Variants in R3HDM1 observed in about 807,000 individuals in gnomAD.
R3HDM1 encodes the protein R3H domain-containing protein 1.
Under a neutral mutation model 141.1 loss-of-function variants are expected in R3HDM1, and 46 were observed. The observed-to-expected ratio is 0.33, with a 90% confidence interval of 0.26 to 0.42. R3HDM1 has a LOEUF of 0.42. Ranked by LOEUF, R3HDM1 falls within the 10% of genes least tolerant of loss-of-function variation. The pLI is 1.00. For missense variants in R3HDM1, 1,184 were observed against 1,368.3 expected, an observed-to-expected ratio of 0.87 and a Z score of 2.12; for synonymous variants, 435 against 472.9, an observed-to-expected ratio of 0.92 and a Z score of 1.04.
intron 19 of R3HDM1, among the ~76,000 whole-genome samples, chr2:135,662,006 G>A (rs1363856495): frequency 6.6e-6 from 1 of 152,162 alleles, no homozygotes; most frequent in Admixed American, 6.5e-5. Context: ...TTTTCTTCAA[G>A]CATTCAGTGA....
chr2:135,714,346 G>A (rs2075959631), intron 23 of R3HDM1, among the ~76,000 whole-genome samples: 1 of 152,144 alleles, frequency 6.6e-6, no homozygotes, highest in South Asian at 2.1e-4. Context: ...AACCCAAATT[G>A]AGGGACAGTC....
intron 21 of R3HDM1, among the ~76,000 whole-genome samples, chr2:135,683,014 A>T (rs533439516): frequency 1.3e-5 from 2 of 152,178 alleles, no homozygotes; most frequent in African/African-American, 4.8e-5. Context: ...TAAAATAAAA[A>T]AAGTCTTTGG....
intron 1 of R3HDM1, among the ~76,000 whole-genome samples, chr2:135,589,792 G>T (rs1011898399): frequency 6.6e-6 from 1 of 151,522 alleles, no homozygotes; most frequent in Non-Finnish European, 1.5e-5. Flanking sequence ...AAAGTGACTT[G>T]GATAATATAT....
chr2:135,643,928 A>G (rs1037442876), intron 15 of R3HDM1, among the ~76,000 whole-genome samples: 9 of 152,194 alleles, frequency 5.9e-5, no homozygotes, highest in Non-Finnish European at 1.2e-4. Flanking sequence ...ATGTGAACAC[A>G]TAAGAGGGAA....
intron 17 of R3HDM1, chr2:135,650,685 T>A (rs1324476506): frequency 2.0e-6 from 2 of 984,050 alleles, no homozygotes; most frequent in Non-Finnish European, 2.4e-6. Flanking sequence ...GCTAATAGTG[T>A]TAAAGTGTCA....
chr2:135,711,662 GA>G (rs34148045), intron 23 of R3HDM1, among the ~76,000 whole-genome samples: 108,814 of 132,536 alleles, frequency 0.82, 44,061 homozygotes, highest in Non-Finnish European at 0.89. Flanking sequence ...CCAACTCTTT[GA>G]AAAAAAAAAA....
chr2:135,548,382 G>T (rs72988414), intron 1 of R3HDM1, among the ~76,000 whole-genome samples: 6,731 of 152,232 alleles, frequency 0.044, 502 homozygotes, highest in African/African-American at 0.15. Flanking sequence ...ACTTGGACAT[G>T]CATATGATTA....
At chr2:135,656,353 T>C (rs1358093048) in intron 18 of R3HDM1, 1 of 152,164 alleles carries the variant, frequency 6.6e-6, no homozygotes, top group African/African-American at 2.4e-5. Context: ...AAATTTAATA[T>C]ATTTTTGACA....
intron 1 of R3HDM1, among the ~76,000 whole-genome samples, chr2:135,540,426 C>T (rs924962244): frequency 6.6e-6 from 1 of 152,174 alleles, no homozygotes; most frequent in Non-Finnish European, 1.5e-5. Context: ...TCCCATGAAT[C>T]ACAAATATTC....
intron 19 of R3HDM1, among the ~76,000 whole-genome samples, chr2:135,666,111 A>G (rs2067454317): frequency 6.6e-6 from 1 of 152,120 alleles, no homozygotes. Context: ...AGACTATGGT[A>G]GGATCCTGAT....
At position 135,651,821 on chromosome 2, in the gene R3HDM1, C is replaced by G; in HGVS notation, c.1817C>G (p.Ser606Cys). ...GSDPHAAMFQSTVVLQSPQQS... is the reference protein window; with the variant it reads ...GSDPHAAMFQCTVVLQSPQQS... Reference sequence around the variant, plus strand: ...GACCCTCATGCCGCCATGTTCCAGTCCACTGTGGTTCTTCAGTCTCCACAG... The same window carrying G: ...GACCCTCATGCCGCCATGTTCCAGTGCACTGTGGTTCTTCAGTCTCCACAG... Residue 606 changes from serine to cysteine, a missense_variant, in exon 18 of 27, where the codon TCC (serine) becomes TGC (cysteine). Coordinates refer to ENST00000683871, the MANE Select transcript of R3HDM1 (RefSeq NM_001378107.1). 1 of 1,614,176 alleles carries G rather than the reference C, an allele frequency of 6.2e-7. No individual in the cohort carries two copies. The highest frequency in any genetic ancestry group is 8.5e-7 in the Non-Finnish European group (1 of 1,180,022).
intron 17 of R3HDM1, 163 bp downstream of exon 17, chr2:135,650,166 T>C: frequency 1.0e-6 from 1 of 972,574 alleles, no homozygotes. Context: ...AAATAATTTA[T>C]TCCATAAAAT....
intron 14 of R3HDM1, 70 bp from the exon 15 acceptor site, chr2:135,641,466 G>A: frequency 1.4e-6 from 2 of 1,459,886 alleles, no homozygotes; most frequent in Non-Finnish European, 1.9e-6. Flanking sequence ...AAATTTTATT[G>A]TTGTTTTAAA....
At chr2:135,662,364 AG>A (rs1264756650) in intron 19 of R3HDM1, among the ~76,000 whole-genome samples, 1 of 152,228 alleles carries the variant, frequency 6.6e-6, no homozygotes, top group African/African-American at 2.4e-5. Context: ...TCTGATGAAT[AG>A]TAGTCATACT....
Position 135,709,504 on chromosome 2 carries a change from G to A in R3HDM1, c.2531G>A (p.Ser844Asn), listed in dbSNP as rs2075377328. ...VQFPRTTSPCSSQQLQGHQCT... is the reference protein window; with the variant it reads ...VQFPRTTSPCNSQQLQGHQCT... ...TTTCCTCGAACCACTTCACCATGCA[G>A]TTCCCAGCAGCTTCAAGGCCACCAA... Residue 844 changes from serine (S) to asparagine (N), a missense_variant, in exon 22 of 27, where the codon AGT (serine) becomes AAT (asparagine). Physicochemically the swap from Ser to Asn is conservative, Grantham distance 46 (BLOSUM62 1). Transcript: ENST00000683871. 2.5e-6 allele frequency: 4 copies of A among 1,614,130 alleles called. No individual in the cohort carries two copies. The highest frequency in any genetic ancestry group is 3.4e-6 in the Non-Finnish European group (4 of 1,180,012).
At chr2:135,687,566 A>G (rs2071572658) in intron 21 of R3HDM1, among the ~76,000 whole-genome samples, 1 of 150,470 alleles carries the variant, frequency 6.6e-6, no homozygotes, top group Non-Finnish European at 1.5e-5. Flanking sequence ...AAAAGCAAGT[A>G]TGAAAGCTTG....
chr2:135,667,643 T>A, intron 19 of R3HDM1: 1 of 976,604 alleles, frequency 1.0e-6, no homozygotes, highest in Non-Finnish European at 1.2e-6. Context: ...GGTAGCCAAG[T>A]TGGAGTCGGG....
chr2:135,680,472 T>C (rs1295350463), intron 21 of R3HDM1, 148 bp downstream of exon 21: 22 of 942,642 alleles, frequency 2.3e-5, no homozygotes, highest in Non-Finnish European at 2.9e-5. Context: ...AGTATACTTT[T>C]TAACATATTT....
intron 1 of R3HDM1, among the ~76,000 whole-genome samples, chr2:135,579,932 G>A (rs974505088): frequency 5.9e-5 from 9 of 152,126 alleles, no homozygotes; most frequent in Admixed American, 4.6e-4. Context: ...ACTTTTCTCC[G>A]AGTCTAAAAT....
Sources: gnomAD v4.1 joint callset for allele counts (sites outside exome capture counted in the v4.1 genomes callset) on GRCh38, gnomAD v4.1.1 for gene constraint, MANE v1.5 for transcripts, NCBI Gene and HGNC (gene_info 2026-07-23, HGNC 2026-07-21) for gene names.